The following BRD4 variants were observed in gnomAD, a reference collection of about 807,000 sequenced individuals.
BRD4 encodes the protein bromodomain-containing protein 4.
In BRD4, 16 loss-of-function variants were observed where a neutral mutation model predicts 142.1. The ratio of observed to expected loss-of-function variants is 0.11; its 90% CI spans 0.08 to 0.17. The LOEUF (loss-of-function observed/expected upper bound fraction) is 0.17. Ranked by LOEUF, BRD4 falls within the 10% of genes least tolerant of loss-of-function variation. The pLI is 1.00. For missense variants in BRD4, 1,424 were observed against 1,810.9 expected, an observed-to-expected ratio of 0.79 and a Z score of 3.88; for synonymous variants, 833 against 707.5, an observed-to-expected ratio of 1.18 and a Z score of -2.82.
In BRD4 at chr19:15,277,549, T is replaced by C. The variant is rs1400988866; in HGVS notation, c.-34-4416A>G. On this transcript the variant is annotated intron_variant, in intron 1 of 19. Coordinates refer to ENST00000679869, the MANE Select transcript of BRD4 (RefSeq NM_001379291.1). ...GTAATCCCAGCACTTTGGGAGGCCA[T>C]GGCAGGTGGATCACCTTAAGTCTGG... Among the ~76,000 whole-genome samples the C allele has an allele frequency of 2.9e-5, 4 of 139,792 alleles. 1 individual carries two copies. Among genetic ancestry groups the C allele is most frequent in the Admixed American group, 1.5e-4 (2 of 13,500 alleles). 91.7% of individuals were successfully genotyped at this position (139,792 alleles called of 152,430 possible). A position where few individuals can be genotyped will look rare whatever the true frequency, so the allele number is the denominator to read the frequency against.
Position 15,268,927 on chromosome 19 carries a change from G to T in BRD4, c.401C>A (p.Thr134Lys). The part of the protein sequence containing the change: ...ECIQDFNTMF[T>K]NCYIYNKPGD... The stretch of plus-strand genomic sequence containing the variant: ...CACCTTGTTGTAGATGTAACAATTT[G>T]TAAACATAGTGTTGAAGTCCTGGAT... The change falls in exon 3 of 20, where the codon ACA becomes AAA. Residue 134 changes from threonine (T) to lysine (K), a missense_variant. Physicochemically the swap from Thr to Lys is moderately conservative, Grantham distance 78. Around this residue, in one of 16 missense-constraint regions of BRD4, gnomAD observed 55 missense variants for 160.7 expected, o/e 0.34. Coordinates refer to ENST00000679869, the MANE Select transcript of BRD4 (RefSeq NM_001379291.1). 6.2e-7 allele frequency: 1 copy of T among 1,614,154 alleles called. No individual in the cohort carries two copies. Among genetic ancestry groups the T allele is most frequent in the Non-Finnish European group, 8.5e-7 (1 of 1,180,022 alleles).
intron 1 of BRD4, among the ~76,000 whole-genome samples, chr19:15,283,342 C>CG (rs545067303): frequency 6.0e-4 from 92 of 152,272 alleles, no homozygotes; most frequent in Non-Finnish European, 1.1e-3. Context: ...AAAATTTCTC[C>CG]GGATGACATC....
chr19:15,243,637 C>T (rs918278097), intron 13 of BRD4, 150 bp from the exon 14 acceptor site: 1 of 1,338,376 alleles, frequency 7.5e-7, no homozygotes, highest in African/African-American at 1.5e-5. Context: ...CGTGGCCTCC[C>T]ACAAACTCCA....
chr19:15,267,468 G>T lies in BRD4; in HGVS notation c.507C>A (p.Thr169=). 1 of 1,614,050 alleles carries T rather than the reference G, an allele frequency of 6.2e-7. No homozygotes were observed. Among genetic ancestry groups the T allele is most frequent in the Non-Finnish European group, 8.5e-7 (1 of 1,180,006 alleles). Residue 169 remains threonine (T), a synonymous_variant, in exon 4 of 20, where the codon ACC becomes ACA. Coordinates refer to ENST00000679869, the MANE Select transcript of BRD4 (RefSeq NM_001379291.1). ...CTTTTGCCTGGACTATCATGATCTCGGTTTCTTCTGTGGGTAGCTCATTTA... is the reference window on the plus strand; with the variant it reads ...CTTTTGCCTGGACTATCATGATCTCTGTTTCTTCTGTGGGTAGCTCATTTA... ...QKINELPTEE[T]EIMIVQAKGR...
At chr19:15,309,471 A>G (rs1161108874) in intron 1 of BRD4, among the ~76,000 whole-genome samples, 1 of 152,206 alleles carries the variant, frequency 6.6e-6, no homozygotes, top group Non-Finnish European at 1.5e-5. Context: ...ATGTCCAGCA[A>G]TGTAAAATGG....
chr19:15,270,246 G>A (rs2047572875), intron 2 of BRD4, among the ~76,000 whole-genome samples: 1 of 152,186 alleles, frequency 6.6e-6, no homozygotes, highest in East Asian at 1.9e-4. Flanking sequence ...GGACAGCGTT[G>A]GAAAGGCCAG....
intron 1 of BRD4, among the ~76,000 whole-genome samples, chr19:15,313,351 C>G (rs1280100122): frequency 1.6e-5 from 2 of 128,962 alleles, no homozygotes; most frequent in African/African-American, 6.0e-5. Flanking sequence ...CCAGCCTGGG[C>G]AACAAAGCAA....
chr19:15,254,186 C>T lies in BRD4; in HGVS notation c.2124G>A (p.Glu708=). 1 of 1,614,222 alleles carries T rather than the reference C, an allele frequency of 6.2e-7. No homozygotes were observed. Among genetic ancestry groups the T allele is most frequent in the Non-Finnish European group, 8.5e-7 (1 of 1,180,038 alleles). ...AGTCTTCGCTGTCAGAGGAGCTGGA[C>T]TCACTGGAGCTCTCCGACTCTGAGG... The part of the protein sequence containing the change: ...FSSSESESSS[E]SSSSDSEDSE... The change falls in exon 11 of 20, where the codon GAG becomes GAA. Residue 708 remains glutamate (E), a synonymous_variant. Coordinates refer to ENST00000679869, the MANE Select transcript of BRD4 (RefSeq NM_001379291.1).
intron 1 of BRD4, among the ~76,000 whole-genome samples, chr19:15,294,011 C>T (rs1292779312): frequency 3.3e-5 from 5 of 152,200 alleles, no homozygotes; most frequent in Non-Finnish European, 5.9e-5. Context: ...TCCTGGCATA[C>T]GATTCCCTGG....
In BRD4 at chr19:15,243,008, G is replaced by A; in HGVS notation, c.3061C>T (p.His1021Tyr). Residue 1021 changes from histidine (H) to tyrosine (Y), a missense_variant, in exon 14 of 20, where the codon CAT becomes TAT. Physicochemically the swap from His to Tyr is moderately conservative, Grantham distance 83. Coordinates refer to ENST00000679869, the MANE Select transcript of BRD4 (RefSeq NM_001379291.1). The stretch of plus-strand genomic sequence containing the variant: ...GGTGGCTGCTGGCCTGGGGGCGGAT[G>A]GGGGGGCTGCTGGCCCTGGGGTGGC... Reference protein sequence around the residue: ...PPPPQGQQPPHPPPGQQPPPP... With the variant: ...PPPPQGQQPPYPPPGQQPPPP... The A allele has an allele frequency of 1.3e-6, 2 of 1,544,212 alleles. No homozygotes were observed. The highest frequency in any genetic ancestry group is 1.7e-6 in the Non-Finnish European group (2 of 1,145,964).
At chr19:15,249,085 C>T in intron 11 of BRD4, 1 of 850,544 alleles carries the variant, frequency 1.2e-6, no homozygotes, top group Non-Finnish European at 1.8e-6. Context: ...GGCAGGCAGC[C>T]TTCCCGAAGG....
In BRD4 at chr19:15,238,894, C is replaced by CGCT. The variant is rs748141481; in HGVS notation, c.3866_3868dup (p.Gln1289dup). The CGCT allele has an allele frequency of 8.0e-5, 127 of 1,595,182 alleles. 1 individual carries two copies. The highest frequency in any genetic ancestry group is 1.7e-4 in the Middle Eastern group (1 of 5,784). ...TTGCTGCTGCTGCTGTTGCTCCTGG[C>CGCT]GCTGCTGCTGCTGCTGCTCCTGGCG... On this transcript the variant is annotated inframe_insertion, in exon 19 of 20. Coordinates refer to ENST00000679869, the MANE Select transcript of BRD4 (RefSeq NM_001379291.1). This position sits in a 1 kb window ranked among gnomAD's most constrained non-coding sequence, Gnocchi z 7.2.
chr19:15,313,297 C>T (rs1390595291), intron 1 of BRD4, among the ~76,000 whole-genome samples: 5 of 150,026 alleles, frequency 3.3e-5, no homozygotes, highest in Admixed American at 6.7e-5. Context: ...GGTGTGAATC[C>T]GGAAGGCGGA....
chr19:15,244,175 G>A (rs2047263589), intron 13 of BRD4, 56 bp downstream of exon 13: 1 of 1,535,396 alleles, frequency 6.5e-7, no homozygotes, highest in East Asian at 2.4e-5. Flanking sequence ...GACACCACAT[G>A]GGTAAACCGA....
chr19:15,285,282 G>C (rs1371625757), intron 1 of BRD4, among the ~76,000 whole-genome samples: 1 of 152,208 alleles, frequency 6.6e-6, no homozygotes, highest in Non-Finnish European at 1.5e-5. Flanking sequence ...TGGAACCTGT[G>C]GCAGTCCCTA....
intron 1 of BRD4, among the ~76,000 whole-genome samples, chr19:15,282,457 A>ACCACTC (rs1018460139): frequency 2.0e-5 from 3 of 152,162 alleles, no homozygotes; most frequent in African/African-American, 4.8e-5. Flanking sequence ...AAACCAACCA[A>ACCACTC]CCACTCGGCC....
chr19:15,253,624 A>G (rs755531906), intron 11 of BRD4: 1 of 1,596,334 alleles, frequency 6.3e-7, no homozygotes, highest in East Asian at 2.2e-5. Flanking sequence ...GGCCCAGGTG[A>G]TGGCAGGGCC....
chr19:15,240,263 A>G (rs1028182005), intron 14 of BRD4, among the ~76,000 whole-genome samples: 1 of 152,172 alleles, frequency 6.6e-6, no homozygotes, highest in African/African-American at 2.4e-5. Context: ...CATGTGGGGC[A>G]TAACTCAGTG....
chr19:15,308,468 TC>T (rs2047937161), intron 1 of BRD4, among the ~76,000 whole-genome samples: 2 of 150,378 alleles, frequency 1.3e-5, no homozygotes, highest in Non-Finnish European at 1.5e-5. Context: ...GCACCTGTAG[TC>T]CCAGCTACTC....
Sources: allele counts gnomAD v4.1 joint callset (sites outside exome capture counted in the v4.1 genomes callset), GRCh38; gene constraint gnomAD v4.1.1; regional missense constraint gnomAD v4.1.1; non-coding constraint Gnocchi (gnomAD v3.1); transcripts MANE v1.5; gene names NCBI Gene and HGNC (gene_info 2026-07-23, HGNC 2026-07-21).